Variants in MTSS1 observed in about 807,000 individuals in gnomAD.
MTSS1 encodes the protein MTSS I-BAR domain containing 1, also known as protein MTSS 1.
In MTSS1, 18 loss-of-function variants were observed where a neutral mutation model predicts 79.0. The ratio of observed to expected loss-of-function variants is 0.23; its 90% CI spans 0.16 to 0.34. The LOEUF (loss-of-function observed/expected upper bound fraction) is 0.34. Among genes scored for constraint, MTSS1 ranks in the 10% least tolerant of loss-of-function variants. The pLI, the probability that MTSS1 is intolerant of heterozygous loss-of-function variation, is 1.00. For missense variants in MTSS1, 815 were observed against 986.2 expected (o/e 0.83, Z 2.33); for synonymous variants, 341 against 368.6 (o/e 0.93, Z 0.86).
intron 3 of MTSS1, among the ~76,000 whole-genome samples, chr8:124,624,590 C>T (rs1279877130): frequency 3.9e-5 from 6 of 152,176 alleles, no homozygotes; most frequent in African/African-American, 1.4e-4. Context: ...GTACCTCCAC[C>T]TGGGAGTCCC....
At chr8:124,701,310 G>C (rs1046381149) in intron 2 of MTSS1, among the ~76,000 whole-genome samples, 1 of 152,132 alleles carries the variant, frequency 6.6e-6, no homozygotes, top group Non-Finnish European at 1.5e-5. Flanking sequence ...CAGTAGTTTT[G>C]AAACAAAAGG....
At chr8:124,715,592 C>A (rs956559568) in intron 1 of MTSS1, among the ~76,000 whole-genome samples, 3 of 152,198 alleles carry the variant, frequency 2.0e-5, no homozygotes, top group Non-Finnish European at 4.4e-5. Flanking sequence ...TCAACTCCCA[C>A]CCCAGGCTGC....
chr8:124,654,415 G>T (rs1245845026), intron 3 of MTSS1, among the ~76,000 whole-genome samples: 3 of 152,144 alleles, frequency 2.0e-5, no homozygotes, highest in Non-Finnish European at 4.4e-5. Flanking sequence ...ACGGTGAGAG[G>T]ACTTTCTGAA....
intron 3 of MTSS1, among the ~76,000 whole-genome samples, chr8:124,602,054 G>A (rs775776924): frequency 4.0e-5 from 6 of 151,016 alleles, no homozygotes; most frequent in African/African-American, 4.9e-5. Flanking sequence ...CAAAGATTTC[G>A]ACCAGGTGTG....
chr8:124,567,202 ATGTTAT>A (rs760521805), intron 7 of MTSS1, 24 bp from the exon 8 acceptor site: 76 of 1,532,476 alleles, frequency 5.0e-5, no homozygotes, highest in Non-Finnish European at 6.5e-5. Flanking sequence ...CATTCATGAA[ATGTTAT>A]TATCATGAGT....
chr8:124,726,568 G>C (rs1464052926), intron 1 of MTSS1, among the ~76,000 whole-genome samples: 2 of 152,262 alleles, frequency 1.3e-5, no homozygotes, highest in Non-Finnish European at 2.9e-5. Flanking sequence ...GACAGAGGCA[G>C]CTTGATAAAG....
At position 124,565,881 on chromosome 8, in the gene MTSS1, C is replaced by T. The variant is rs75504517; in HGVS notation, c.727-122G>A. ...CGTGGGGGTGGGAATGAAAGCAAAACATGTTAAAAAAATTTTTTTTAAATT... is the reference window on the plus strand; with the variant it reads ...CGTGGGGGTGGGAATGAAAGCAAAATATGTTAAAAAAATTTTTTTTAAATT... On this transcript the variant is annotated intron_variant, in intron 8 of 13. Coordinates refer to ENST00000518547, the MANE Select transcript of MTSS1 (RefSeq NM_014751.6). 1,120 of 717,080 alleles carry T rather than the reference C, an allele frequency of 1.6e-3. 9 individuals are homozygous for T. In the African/African-American group the frequency reaches 0.018, roughly 12 times the overall value. The allele number at this position is 717,080 out of a possible 1,614,324, so 44.4% of individuals were successfully genotyped here. A position where few individuals can be genotyped will look rare whatever the true frequency, so the allele number is the denominator to read the frequency against.
chr8:124,648,859 G>A (rs774570299), intron 3 of MTSS1, among the ~76,000 whole-genome samples: 11 of 152,172 alleles, frequency 7.2e-5, no homozygotes, highest in Non-Finnish European at 1.3e-4. Flanking sequence ...AATGCCCACT[G>A]GGCCCAGGTC....
chr8:124,648,718 C>CCCCA (rs1476324406), intron 3 of MTSS1, among the ~76,000 whole-genome samples: 1 of 151,888 alleles, frequency 6.6e-6, no homozygotes, highest in East Asian at 1.9e-4. Context: ...AGCCCCCCCC[C>CCCCA]AGATACTGAC....
At chr8:124,593,084 A>G (rs1009546747) in intron 3 of MTSS1, among the ~76,000 whole-genome samples, 3 of 152,228 alleles carry the variant, frequency 2.0e-5, no homozygotes, top group Admixed American at 1.3e-4. Flanking sequence ...CAGCGTTGCC[A>G]TCTACCACTG....
intron 3 of MTSS1, among the ~76,000 whole-genome samples, chr8:124,650,072 C>A (rs866728691): frequency 4.6e-5 from 7 of 151,792 alleles, no homozygotes; most frequent in African/African-American, 1.7e-4. Context: ...GCTCTGTCAC[C>A]CAGGCTGGAG....
In MTSS1 at chr8:124,658,001, T is replaced by G. The variant is rs371659079; in HGVS notation, c.208+41525A>C. 2.6e-5 allele frequency among the ~76,000 whole-genome samples: 4 copies of G among 152,018 alleles called. No homozygotes were observed. The East Asian group carries it at 7.7e-4, about 29-fold the overall frequency. On this transcript the variant is annotated intron_variant, in intron 3 of 13. Coordinates refer to ENST00000518547, the MANE Select transcript of MTSS1 (RefSeq NM_014751.6). ...ATTAGTGCACTTATAAGAAAAGACATGAGAATGATGATCTCTCCCTCCACC... is the reference window on the plus strand; with the variant it reads ...ATTAGTGCACTTATAAGAAAAGACAGGAGAATGATGATCTCTCCCTCCACC...
At position 124,643,420 on chromosome 8, in the gene MTSS1, C is replaced by T. The variant is rs191097868; in HGVS notation, c.209-52185G>A. ...ATCATTTAAAAACAAAAATCTAGCCCGGCGCAGTGGCTCATGCCTGTAATC... is the reference window on the plus strand; with the variant it reads ...ATCATTTAAAAACAAAAATCTAGCCTGGCGCAGTGGCTCATGCCTGTAATC... On this transcript the variant is annotated intron_variant, in intron 3 of 13. Coordinates refer to ENST00000518547, the MANE Select transcript of MTSS1 (RefSeq NM_014751.6). 3.5e-3 allele frequency among the ~76,000 whole-genome samples: 528 copies of T among 151,950 alleles called. 9 individuals carry two copies. Among genetic ancestry groups the T allele is most frequent in the Non-Finnish European group, 2.4e-3 (163 of 67,938 alleles).
intron 3 of MTSS1, among the ~76,000 whole-genome samples, chr8:124,689,445 T>TA (rs879823879): frequency 8.8e-4 from 127 of 144,718 alleles, no homozygotes; most frequent in South Asian, 2.6e-3. Flanking sequence ...AAGAGAACAT[T>TA]AAAAAAAAAA....
At chr8:124,612,358 G>T (rs935545175) in intron 3 of MTSS1, among the ~76,000 whole-genome samples, 2 of 152,216 alleles carry the variant, frequency 1.3e-5, no homozygotes, top group East Asian at 3.9e-4. Flanking sequence ...CATGCCCACA[G>T]GAAACGGCAT....
intron 3 of MTSS1, among the ~76,000 whole-genome samples, chr8:124,651,508 A>T (rs1052625802): frequency 6.6e-6 from 1 of 151,972 alleles, no homozygotes; most frequent in Admixed American, 6.5e-5. Flanking sequence ...AACATGTTAC[A>T]TTCAGAACCA....
At chr8:124,637,959 G>A (rs940984977) in intron 3 of MTSS1, among the ~76,000 whole-genome samples, 1 of 152,240 alleles carries the variant, frequency 6.6e-6, no homozygotes, top group African/African-American at 2.4e-5. Context: ...GATAAATTAA[G>A]GAGGTTAAGC....
intron 6 of MTSS1, among the ~76,000 whole-genome samples, chr8:124,572,759 T>TTTTTC (rs1249203283): frequency 2.0e-5 from 3 of 150,610 alleles, no homozygotes; most frequent in Non-Finnish European, 3.0e-5. Context: ...TTTTTTTTTT[T>TTTTTC]TGAGACAGAG....
rs912241708 is a variant in MTSS1, at chr8:124,553,462, G to A, written c.1798C>T (p.Arg600Cys). 19 of 1,609,480 alleles carry A rather than the reference G, an allele frequency of 1.2e-5. No individual in the cohort carries two copies. The highest frequency in any genetic ancestry group is 8.4e-5 in the Admixed American group (5 of 59,876). Residue 600 changes from arginine (R) to cysteine (C), a missense_variant, in exon 14 of 14, where the codon CGC becomes TGC. Coordinates refer to ENST00000518547, the MANE Select transcript of MTSS1 (RefSeq NM_014751.6). The surrounding 1 kb of genome is among the most constrained non-coding windows in gnomAD (Gnocchi z 6.0). ...RRTPSTKPSV[R>C]RGTIGAGPIP... ...GGACCAGCTCCAATGGTTCCCCGGC[G>A]GACAGAAGGCTTGGTGGAAGGGGTC...
Sources: allele counts gnomAD v4.1 joint callset (sites outside exome capture counted in the v4.1 genomes callset), GRCh38; gene constraint gnomAD v4.1.1; non-coding constraint Gnocchi (gnomAD v3.1); transcripts MANE v1.5; gene names NCBI Gene and HGNC (gene_info 2026-07-23, HGNC 2026-07-21).